The following RPS6KC1 variants were observed in gnomAD, a reference collection of about 807,000 sequenced individuals.
RPS6KC1 encodes ribosomal protein S6 kinase C1.
In RPS6KC1, 54 loss-of-function variants were observed where a neutral mutation model predicts 103.8. The ratio of observed to expected loss-of-function variants is 0.52; its 90% confidence interval spans 0.42 to 0.65. The LOEUF is 0.65. Ranked by LOEUF, RPS6KC1 falls within the 30% of genes least tolerant of loss-of-function variation. The probability of loss-of-function intolerance (pLI) is 0.00; values close to 1 mark genes in which losing one functional copy is unlikely to be tolerated. For missense variants in RPS6KC1, 1,151 were observed against 1,253.8 expected, an observed-to-expected ratio of 0.92 and a Z score of 1.24; for synonymous variants, 439 against 438.7, an observed-to-expected ratio of 1.00 and a Z score of -0.01.
chr1:213,476,300 A>T, the RPS6KC1 span, among the ~76,000 whole-genome samples: 1 of 152,144 alleles, frequency 6.6e-6, no homozygotes, highest in Non-Finnish European at 1.5e-5. Flanking sequence ...CCTAAATGAT[A>T]GTGGATGAGA....
chr1:213,457,282 C>T, the RPS6KC1 span, among the ~76,000 whole-genome samples: 555 of 152,326 alleles, frequency 3.6e-3, 2 homozygotes, highest in African/African-American at 0.012. Context: ...ACGCCATCCT[C>T]GGCAACCCAG....
chr1:213,238,007 G>A (rs1385092856), intron 10 of RPS6KC1, among the ~76,000 whole-genome samples: 2 of 151,992 alleles, frequency 1.3e-5, no homozygotes, highest in East Asian at 1.9e-4. Context: ...CAAAAAATTT[G>A]TACAGATGTT....
chr1:213,849,500 T>G, the RPS6KC1 span, among the ~76,000 whole-genome samples: 2 of 152,228 alleles, frequency 1.3e-5, no homozygotes, highest in African/African-American at 4.8e-5. Flanking sequence ...ATTCTACCTA[T>G]GAATGTACAA....
intron 6 of RPS6KC1, among the ~76,000 whole-genome samples, chr1:213,130,142 C>T (rs1572716396): frequency 1.3e-5 from 2 of 152,112 alleles, no homozygotes; most frequent in Admixed American, 1.3e-4. Flanking sequence ...GTCAGCATGT[C>T]TTGAAGTCTC....
intron 14 of RPS6KC1, among the ~76,000 whole-genome samples, chr1:213,266,793 C>T (rs1014768859): frequency 1.3e-5 from 2 of 151,868 alleles, no homozygotes; most frequent in East Asian, 1.9e-4. Flanking sequence ...GTCCCAGGTA[C>T]TTGGGAGGCT....
the RPS6KC1 span, among the ~76,000 whole-genome samples, chr1:213,511,608 C>G: frequency 1.3e-5 from 2 of 152,176 alleles, no homozygotes; most frequent in African/African-American, 4.8e-5. Flanking sequence ...CCGGTATAAT[C>G]CAGACCTCTG....
chr1:213,532,275 G>A, the RPS6KC1 span, among the ~76,000 whole-genome samples: 1 of 152,174 alleles, frequency 6.6e-6, no homozygotes, highest in Non-Finnish European at 1.5e-5. Flanking sequence ...TGATGGTGGT[G>A]AGGGTTTGAT....
At chr1:213,834,602 C>T in the RPS6KC1 span, among the ~76,000 whole-genome samples, 8 of 152,112 alleles carry the variant, frequency 5.3e-5, no homozygotes, top group Non-Finnish European at 1.2e-4. Context: ...ATATCACTAA[C>T]AACCTATTCT....
the RPS6KC1 span, among the ~76,000 whole-genome samples, chr1:213,434,620 T>C: frequency 6.6e-6 from 1 of 152,116 alleles, no homozygotes; most frequent in African/African-American, 2.4e-5. Context: ...CACACCCAGC[T>C]AATTTTTGCA....
chr1:213,654,474 A>G, the RPS6KC1 span, among the ~76,000 whole-genome samples: 1 of 152,228 alleles, frequency 6.6e-6, no homozygotes, highest in Non-Finnish European at 1.5e-5. Context: ...ACAAAAATCC[A>G]AATCCAACCT....
At chr1:213,125,643 TG>T in intron 5 of RPS6KC1, 1 of 151,768 alleles carries the variant, frequency 6.6e-6, no homozygotes, top group South Asian at 2.1e-4. Flanking sequence ...TGTGTGTGTG[TG>T]TGTGTGTGTG....
the RPS6KC1 span, among the ~76,000 whole-genome samples, chr1:213,841,600 C>T: frequency 1.3e-5 from 2 of 152,150 alleles, no homozygotes; most frequent in Non-Finnish European, 2.9e-5. Flanking sequence ...CACTTCCTCC[C>T]CCAATCCCCA....
chr1:213,848,966 A>G, the RPS6KC1 span, among the ~76,000 whole-genome samples: 1 of 152,258 alleles, frequency 6.6e-6, no homozygotes, highest in Non-Finnish European at 1.5e-5. Flanking sequence ...GACAAAATCA[A>G]AGATGGCATG....
At chr1:213,824,953 T>G in the RPS6KC1 span, among the ~76,000 whole-genome samples, 1 of 152,126 alleles carries the variant, frequency 6.6e-6, no homozygotes, top group Non-Finnish European at 1.5e-5. Context: ...CACACAGGGA[T>G]AGCTGACAAG....
At chr1:213,575,930 T>A in the RPS6KC1 span, among the ~76,000 whole-genome samples, 1 of 152,188 alleles carries the variant, frequency 6.6e-6, no homozygotes, top group Non-Finnish European at 1.5e-5. Flanking sequence ...GGGCACAACC[T>A]GCAGCTAGAC....
the RPS6KC1 span, among the ~76,000 whole-genome samples, chr1:213,769,021 G>A: frequency 1.3e-5 from 2 of 152,152 alleles, no homozygotes; most frequent in Non-Finnish European, 2.9e-5. Context: ...AAAGCGGCAG[G>A]GACCTGCTTC....
the RPS6KC1 span, among the ~76,000 whole-genome samples, chr1:213,599,134 A>G: frequency 6.6e-6 from 1 of 152,208 alleles, no homozygotes; most frequent in African/African-American, 2.4e-5. Flanking sequence ...ATCAGTGGGT[A>G]TGAAGCTAGA....
chr1:213,519,675 CAGTT>C, the RPS6KC1 span, among the ~76,000 whole-genome samples: 3 of 152,132 alleles, frequency 2.0e-5, no homozygotes, highest in Non-Finnish European at 4.4e-5. Flanking sequence ...TGCATACAGT[CAGTT>C]ATTTAAAATC....
At chr1:213,076,792 T>C (rs755418339) in intron 2 of RPS6KC1, among the ~76,000 whole-genome samples, 2 of 152,170 alleles carry the variant, frequency 1.3e-5, no homozygotes, top group Non-Finnish European at 2.9e-5. Context: ...TTATTACTAG[T>C]GTGAATTAAG....
Sources: gnomAD v4.1 joint callset for allele counts (sites outside exome capture counted in the v4.1 genomes callset) on GRCh38, gnomAD v4.1.1 for gene constraint, MANE v1.5 for transcripts, NCBI Gene and HGNC (gene_info 2026-07-23, HGNC 2026-07-21) for gene names.